STXBP5: variants seen among roughly 807,000 people sequenced by gnomAD.
STXBP5 encodes syntaxin binding protein 5.
A neutral mutation model predicts 152.4 loss-of-function variants in STXBP5; 50 were observed. The observed-to-expected ratio is 0.33, with a 90% CI of 0.26 to 0.42. The LOEUF (loss-of-function observed/expected upper bound fraction) is 0.42, where lower values mean the gene tolerates loss of function less well. Ranked by LOEUF, STXBP5 falls within the 10% of genes least tolerant of loss-of-function variation. The pLI, the probability that STXBP5 is intolerant of heterozygous loss-of-function variation, is 1.00. For missense variants in STXBP5, 1,167 were observed against 1,388.6 expected, an observed-to-expected ratio of 0.84 and a Z score of 2.54; for synonymous variants, 492 against 494.7, an observed-to-expected ratio of 0.99 and a Z score of 0.07.
intron 19 of STXBP5, 38 bp downstream of exon 19, chr6:147,334,260 T>C: frequency 6.3e-7 from 1 of 1,580,032 alleles, no homozygotes; most frequent in Non-Finnish European, 8.6e-7. Flanking sequence ...ATAATTATGA[T>C]TTACAAAATC....
chr6:147,263,127 T>TA (rs1463287966), intron 6 of STXBP5, among the ~76,000 whole-genome samples: 1 of 151,956 alleles, frequency 6.6e-6, no homozygotes, highest in African/African-American at 2.4e-5. Context: ...GTTGAGCTGA[T>TA]ATATTGTTTA....
At chr6:147,266,236 G>A (rs906810216) in intron 6 of STXBP5, among the ~76,000 whole-genome samples, 1 of 152,068 alleles carries the variant, frequency 6.6e-6, no homozygotes, top group East Asian at 1.9e-4. Flanking sequence ...TACTGAATTT[G>A]CAATTTATCC....
chr6:147,235,970 A>G (rs1214571017), intron 3 of STXBP5, among the ~76,000 whole-genome samples: 5 of 152,158 alleles, frequency 3.3e-5, no homozygotes, highest in Non-Finnish European at 5.9e-5. Flanking sequence ...AAGAAAGAGA[A>G]ATTGCTTCAG....
chr6:147,349,502 A>G (rs1020291449), intron 21 of STXBP5, among the ~76,000 whole-genome samples: 1 of 152,240 alleles, frequency 6.6e-6, no homozygotes, highest in Non-Finnish European at 1.5e-5. Context: ...ATCAAAAGAA[A>G]ATATACTGTT....
Position 147,382,663 on chromosome 6 carries a change from T to A in STXBP5, c.3194-115T>A, listed in dbSNP as rs550522537. ...TATTAAGCATATTTCACTTTATAAT[T>A]TTATTTCAGTTGTATTACCACTCAA... On this transcript the variant is annotated intron_variant, in intron 26 of 27. Coordinates refer to ENST00000321680, the MANE Select transcript of STXBP5 (RefSeq NM_001127715.4). 12 of 1,030,724 alleles carry A rather than the reference T, an allele frequency of 1.2e-5. No homozygotes were observed. The South Asian group carries it at 1.7e-4, about 15-fold the overall frequency. The allele number at this position is 1,030,724 out of a possible 1,614,324, so 63.8% of individuals were successfully genotyped here. A position where few individuals can be genotyped will look rare whatever the true frequency, so the allele number is the denominator to read the frequency against.
intron 25 of STXBP5, among the ~76,000 whole-genome samples, chr6:147,369,932 TA>T (rs201169520): frequency 0.029 from 4,389 of 152,102 alleles, 107 homozygotes; most frequent in Admixed American, 0.05. Context: ...TCATTTTTTT[TA>T]AATTAAAAGA....
intron 18 of STXBP5, 49 bp from the exon 19 acceptor site, chr6:147,334,108 C>A (rs1449027074): frequency 6.4e-7 from 1 of 1,567,670 alleles, no homozygotes; most frequent in Admixed American, 1.7e-5. Flanking sequence ...GACAAAACTG[C>A]ACTTACATAA....
At position 147,352,309 on chromosome 6, in the gene STXBP5, A is replaced by C. The variant is rs11966131; in HGVS notation, c.2255-1014A>C. Among the ~76,000 whole-genome samples the C allele has an allele frequency of 1.9e-3, 289 of 152,348 alleles. 1 individual carries two copies. The highest frequency in any genetic ancestry group is 6.6e-3 in the African/African-American group (273 of 41,578). On this transcript the variant is annotated intron_variant, in intron 21 of 27. Transcript: ENST00000321680. Reference sequence around the variant, plus strand: ...TAATCAAATACTTAAATTTGATTAGATATAAGTTTGGCCTATAAGCTAGAA... The same window carrying C: ...TAATCAAATACTTAAATTTGATTAGCTATAAGTTTGGCCTATAAGCTAGAA...
intron 4 of STXBP5, among the ~76,000 whole-genome samples, chr6:147,244,435 C>T (rs956298685): frequency 5.9e-5 from 9 of 152,298 alleles, no homozygotes; most frequent in Admixed American, 2.0e-4. Flanking sequence ...AATATCCACA[C>T]AATAGCTTGC....
At chr6:147,258,741 A>G (rs1007783009) in intron 4 of STXBP5, among the ~76,000 whole-genome samples, 2 of 152,180 alleles carry the variant, frequency 1.3e-5, no homozygotes, top group African/African-American at 2.4e-5. Flanking sequence ...CCCATAACAC[A>G]TAATTTTAAG....
chr6:147,221,141 G>A (rs1429626827), intron 2 of STXBP5, among the ~76,000 whole-genome samples: 1 of 151,900 alleles, frequency 6.6e-6, no homozygotes, highest in Non-Finnish European at 1.5e-5. Context: ...ACACTGTACT[G>A]CTTCACAGGT....
At chr6:147,274,584 A>G (rs1422159707) in intron 7 of STXBP5, among the ~76,000 whole-genome samples, 3 of 152,182 alleles carry the variant, frequency 2.0e-5, no homozygotes, top group Non-Finnish European at 4.4e-5. Context: ...AATTTAATGT[A>G]TTATTTATAT....
chr6:147,242,528 CATG>C (rs1778599953), intron 4 of STXBP5, among the ~76,000 whole-genome samples: 1 of 152,182 alleles, frequency 6.6e-6, no homozygotes, highest in Non-Finnish European at 1.5e-5. Context: ...AAGCTCCGTT[CATG>C]ATAACTGCCC....
intron 4 of STXBP5, among the ~76,000 whole-genome samples, chr6:147,248,270 G>A: frequency 7.3e-6 from 1 of 136,734 alleles, no homozygotes; most frequent in Non-Finnish European, 1.5e-5. Context: ...GGCAAAGTGA[G>A]ACTCCATCTC....
intron 2 of STXBP5, among the ~76,000 whole-genome samples, chr6:147,207,051 G>A (rs893131432): frequency 5.9e-5 from 9 of 151,774 alleles, no homozygotes; most frequent in African/African-American, 2.2e-4. Context: ...TCAAAAAAAA[G>A]AAAAGAAATA....
intron 2 of STXBP5, among the ~76,000 whole-genome samples, chr6:147,231,236 TA>T (rs1342162389): frequency 1.3e-5 from 2 of 151,818 alleles, no homozygotes; most frequent in African/African-American, 4.8e-5. Flanking sequence ...ATTGCTTACA[TA>T]GAGGGTCATG....
chr6:147,373,684 T>C (rs1431578896), intron 25 of STXBP5, 47 bp from the exon 26 acceptor site: 3 of 1,393,228 alleles, frequency 2.2e-6, no homozygotes, highest in Non-Finnish European at 3.1e-6. Context: ...CATTATAGTT[T>C]AGTTTCCCTG....
chr6:147,349,828 A>G (rs1416400893), intron 21 of STXBP5, among the ~76,000 whole-genome samples: 2 of 152,210 alleles, frequency 1.3e-5, no homozygotes, highest in African/African-American at 2.4e-5. Context: ...GTTTTTCTGT[A>G]CTCATGGAAG....
At chr6:147,289,325 T>C (rs1359888443) in intron 8 of STXBP5, among the ~76,000 whole-genome samples, 1 of 152,224 alleles carries the variant, frequency 6.6e-6, no homozygotes, top group Non-Finnish European at 1.5e-5. Flanking sequence ...AGACATTTAG[T>C]CTACTGGGTG....
Sources: gnomAD v4.1 joint callset for allele counts (sites outside exome capture counted in the v4.1 genomes callset) on GRCh38, gnomAD v4.1.1 for gene constraint, MANE v1.5 for transcripts, NCBI Gene and HGNC (gene_info 2026-07-23, HGNC 2026-07-21) for gene names.